The following RANBP2 variants were observed in gnomAD, a reference collection of about 807,000 sequenced individuals.
The protein encoded by RANBP2 is RAN binding protein 2.
RANBP2 carries 57 observed loss-of-function variants against 303.6 expected under a neutral mutation model. That is an observed-to-expected ratio of 0.19 (90% CI 0.15 to 0.23). The LOEUF is 0.23. Ranked by LOEUF, RANBP2 falls within the 10% of genes least tolerant of loss-of-function variation. RANBP2 has a pLI of 1.00. For synonymous variants in RANBP2, 1,167 were observed against 1,301.5 expected (o/e 0.90, Z 2.23); for missense variants, 3,138 against 3,780.8 (o/e 0.83, Z 4.46).
the RANBP2 span, among the ~76,000 whole-genome samples, chr2:108,974,317 G>A: frequency 1.3e-3 from 148 of 116,638 alleles, no homozygotes; most frequent in African/African-American, 4.9e-3. Context: ...GAGACAGAGC[G>A]AGGATCCGTC....
chr2:108,966,233 A>T, the RANBP2 span, among the ~76,000 whole-genome samples: 1 of 152,200 alleles, frequency 6.6e-6, no homozygotes, highest in South Asian at 2.1e-4. Context: ...TCTGCCTTGC[A>T]TGTTGTTGCC....
the RANBP2 span, among the ~76,000 whole-genome samples, chr2:109,531,192 G>A: frequency 1.3e-5 from 2 of 152,222 alleles, no homozygotes; most frequent in South Asian, 2.1e-4. Context: ...CTCAGAGCCT[G>A]TCCCTGAATA....
the RANBP2 span, among the ~76,000 whole-genome samples, chr2:109,173,836 C>T: frequency 6.6e-6 from 1 of 152,212 alleles, no homozygotes; most frequent in Non-Finnish European, 1.5e-5. Flanking sequence ...CTGCCGTCGT[C>T]CTTGGAATTG....
the RANBP2 span, among the ~76,000 whole-genome samples, chr2:109,476,497 A>C: frequency 3.3e-5 from 5 of 152,334 alleles, no homozygotes; most frequent in Non-Finnish European, 7.3e-5. Flanking sequence ...AGAACCCAAG[A>C]TATTTGGACC....
At chr2:109,564,494 T>C in the RANBP2 span, 1 of 1,562,638 alleles carries the variant, frequency 6.4e-7, no homozygotes, top group African/African-American at 1.3e-5. Context: ...AAATGAGCAT[T>C]TCCCGCAGCT....
At chr2:109,113,472 G>T in the RANBP2 span, among the ~76,000 whole-genome samples, 477 of 152,256 alleles carry the variant, frequency 3.1e-3, 2 homozygotes, top group African/African-American at 0.011. Flanking sequence ...TGTGATTTTT[G>T]TACATTGATT....
the RANBP2 span, among the ~76,000 whole-genome samples, chr2:109,280,407 G>A: frequency 6.6e-6 from 1 of 152,168 alleles, no homozygotes; most frequent in East Asian, 1.9e-4. Context: ...CTCTTGGCTA[G>A]GCAGGGTGAT....
chr2:109,101,440 T>A, the RANBP2 span, among the ~76,000 whole-genome samples: 5 of 151,874 alleles, frequency 3.3e-5, 1 homozygote, highest in South Asian at 1.0e-3. Context: ...GGCAGGAGAA[T>A]GGCGGGAACT....
At chr2:109,454,186 A>G in the RANBP2 span, among the ~76,000 whole-genome samples, 1 of 152,238 alleles carries the variant, frequency 6.6e-6, no homozygotes, top group Non-Finnish European at 1.5e-5. Flanking sequence ...ATAAAATAGG[A>G]GGAAATACTT....
the RANBP2 span, among the ~76,000 whole-genome samples, chr2:108,893,323 T>C: frequency 0.91 from 139,294 of 152,292 alleles, 63,784 homozygotes; most frequent in East Asian, 1. Context: ...CAAAATCAAA[T>C]TTAACAGTAG....
At chr2:109,060,341 C>T in the RANBP2 span, among the ~76,000 whole-genome samples, 12 of 152,306 alleles carry the variant, frequency 7.9e-5, no homozygotes, top group African/African-American at 2.9e-4. Context: ...CCTTTGTCTG[C>T]TCCAGGTTGG....
At chr2:109,146,726 A>T in the RANBP2 span, among the ~76,000 whole-genome samples, 43 of 152,150 alleles carry the variant, frequency 2.8e-4, no homozygotes, top group Non-Finnish European at 4.0e-4. Flanking sequence ...CATAGAGTCT[A>T]CATCTGAGTA....
the RANBP2 span, among the ~76,000 whole-genome samples, chr2:108,990,393 T>TGCAGTCCGCAGTCCG: frequency 3.6e-5 from 5 of 137,568 alleles, no homozygotes; most frequent in Admixed American, 3.3e-4. Flanking sequence ...ATTGCGCCAC[T>TGCAGTCCGCAGTCCG]GCAGTCCGCA....
At chr2:109,520,863 C>T in the RANBP2 span, among the ~76,000 whole-genome samples, 1 of 104,702 alleles carries the variant, frequency 9.6e-6, no homozygotes, top group Admixed American at 9.7e-5. Context: ...ACCTGGAAGG[C>T]GGACGTCACA....
chr2:109,685,001 G>T, the RANBP2 span, among the ~76,000 whole-genome samples: 1 of 151,670 alleles, frequency 6.6e-6, no homozygotes, highest in Non-Finnish European at 1.5e-5. Flanking sequence ...AGCCTCCCGA[G>T]TAGCTAGGAT....
At chr2:109,059,711 A>G in the RANBP2 span, among the ~76,000 whole-genome samples, 1 of 152,150 alleles carries the variant, frequency 6.6e-6, no homozygotes, top group East Asian at 1.9e-4. Flanking sequence ...GCCTCTGCCC[A>G]CAGAGCCACC....
chr2:108,846,908 T>C, the RANBP2 span: 1 of 1,608,036 alleles, frequency 6.2e-7, no homozygotes, highest in Non-Finnish European at 8.5e-7. Context: ...CAACCTTAAT[T>C]GTTCTCAAAA....
chr2:109,028,895 A>T, the RANBP2 span, among the ~76,000 whole-genome samples: 2 of 152,202 alleles, frequency 1.3e-5, no homozygotes, highest in South Asian at 4.1e-4. Context: ...TGCATGTGTG[A>T]ATCTGGCTGT....
At chr2:109,434,678 C>T in the RANBP2 span, among the ~76,000 whole-genome samples, 4 of 152,208 alleles carry the variant, frequency 2.6e-5, no homozygotes, top group Non-Finnish European at 4.4e-5. Context: ...GTGCTGTAGT[C>T]GGGATGGACA....
Sources: gnomAD v4.1 joint callset for allele counts (sites outside exome capture counted in the v4.1 genomes callset) on GRCh38, gnomAD v4.1.1 for gene constraint, MANE v1.5 for transcripts, NCBI Gene and HGNC (gene_info 2026-07-23, HGNC 2026-07-21) for gene names.